Variants in SLMAP observed in about 807,000 individuals in gnomAD.
SLMAP encodes the protein sarcolemmal membrane-associated protein.
In SLMAP, 44 loss-of-function variants were observed where a neutral mutation model predicts 128.8. The ratio of observed to expected loss-of-function variants is 0.34; its 90% CI spans 0.27 to 0.44. SLMAP has a LOEUF of 0.44. Ranked by LOEUF, SLMAP falls within the 20% of genes least tolerant of loss-of-function variation. The probability of loss-of-function intolerance (pLI) is 1.00; values close to 1 mark genes in which losing one functional copy is unlikely to be tolerated. For synonymous variants in SLMAP, 327 were observed against 348.8 expected, an observed-to-expected ratio of 0.94 and a Z score of 0.70; for missense variants, 787 against 985.3, an observed-to-expected ratio of 0.80 and a Z score of 2.69.
At chr3:57,804,171 CTCATCTTTTT>C (rs1172467952) in intron 2 of SLMAP, among the ~76,000 whole-genome samples, 1 of 152,178 alleles carries the variant, frequency 6.6e-6, no homozygotes, top group East Asian at 1.9e-4. Flanking sequence ...TTCACCTTTT[CTCATCTTTTT>C]TCATCTAACA....
intron 2 of SLMAP, among the ~76,000 whole-genome samples, chr3:57,798,259 C>A (rs555686450): frequency 2.4e-4 from 36 of 148,362 alleles, no homozygotes; most frequent in African/African-American, 7.7e-4. Context: ...CTGAAGCTGT[C>A]TGTTTGTGAA....
chr3:57,855,630 A>C (rs1369875769), intron 6 of SLMAP, among the ~76,000 whole-genome samples: 1 of 144,308 alleles, frequency 6.9e-6, no homozygotes, highest in Non-Finnish European at 1.5e-5. Context: ...AAATCCCAGC[A>C]CTTTGGATGG....
intron 2 of SLMAP, among the ~76,000 whole-genome samples, chr3:57,792,982 T>G (rs2085858618): frequency 6.6e-6 from 1 of 151,876 alleles, no homozygotes; most frequent in African/African-American, 2.4e-5. Flanking sequence ...ACCAAAAAAT[T>G]GCAAAAATCA....
intron 2 of SLMAP, among the ~76,000 whole-genome samples, chr3:57,769,937 A>G (rs927562096): frequency 1.3e-5 from 2 of 152,226 alleles, no homozygotes; most frequent in Admixed American, 6.5e-5. Context: ...TGGTTAAGAT[A>G]TAGTTTAAAA....
At chr3:57,891,247 A>G (rs1246381630) in intron 15 of SLMAP, 3 of 151,456 alleles carry the variant, frequency 2.0e-5, no homozygotes, top group East Asian at 1.9e-4. Flanking sequence ...ATATCTTGCT[A>G]TCTTATCACT....
intron 22 of SLMAP, 96 bp from the exon 23 acceptor site, chr3:57,922,793 T>C (rs1271643075): frequency 3.6e-6 from 4 of 1,125,948 alleles, no homozygotes; most frequent in Non-Finnish European, 5.0e-6. Context: ...GTGTTCCAGG[T>C]GACTAAATAG....
chr3:57,820,595 G>T (rs930284380), intron 2 of SLMAP, among the ~76,000 whole-genome samples: 6 of 152,192 alleles, frequency 3.9e-5, no homozygotes, highest in Admixed American at 2.6e-4. Context: ...ATACATGCAG[G>T]CTTTCTTTGC....
chr3:57,904,868 C>G (rs946213850), intron 17 of SLMAP, among the ~76,000 whole-genome samples: 1 of 152,100 alleles, frequency 6.6e-6, no homozygotes, highest in Non-Finnish European at 1.5e-5. Flanking sequence ...AGAATTTATT[C>G]AGCCCTGGTG....
intron 14 of SLMAP, among the ~76,000 whole-genome samples, chr3:57,875,898 A>T (rs2095594821): frequency 1.3e-5 from 2 of 152,244 alleles, no homozygotes; most frequent in Admixed American, 1.3e-4. Flanking sequence ...TTCAGCAAAT[A>T]TCTTAAGTAA....
intron 8 of SLMAP, among the ~76,000 whole-genome samples, chr3:57,858,996 T>G (rs959497888): frequency 6.6e-6 from 1 of 152,142 alleles, no homozygotes; most frequent in Admixed American, 6.5e-5. Flanking sequence ...AATTCTGTTA[T>G]TCCTTCACTT....
intron 2 of SLMAP, among the ~76,000 whole-genome samples, chr3:57,770,591 G>A (rs969149012): frequency 2.6e-5 from 4 of 152,216 alleles, no homozygotes; most frequent in Admixed American, 6.5e-5. Flanking sequence ...AGATTTTGGA[G>A]TTGGACTACT....
chr3:57,834,728 T>TAGC (rs1348448495), intron 3 of SLMAP, among the ~76,000 whole-genome samples: 3 of 152,202 alleles, frequency 2.0e-5, no homozygotes, highest in Non-Finnish European at 4.4e-5. Flanking sequence ...TTAAAGAACC[T>TAGC]AGCATATCAT....
At chr3:57,774,505 A>C (rs2081428166) in intron 2 of SLMAP, among the ~76,000 whole-genome samples, 1 of 99,314 alleles carries the variant, frequency 1.0e-5, no homozygotes, top group Non-Finnish European at 2.1e-5. Flanking sequence ...AGACTTTAAT[A>C]GACAATTATT....
chr3:57,834,978 T>C (rs1282243359), intron 3 of SLMAP, among the ~76,000 whole-genome samples: 1 of 151,132 alleles, frequency 6.6e-6, no homozygotes. Flanking sequence ...AAGAATCAGC[T>C]GGGCGTGGTG....
Position 57,861,940 on chromosome 3 carries a change from G to A in SLMAP, c.829-9G>A. ...TTCTAATTAAATTGCCTGTAAACTTGAATCGCAGCGAAGTCTGAGTAATAC... is the reference window on the plus strand; with the variant it reads ...TTCTAATTAAATTGCCTGTAAACTTAAATCGCAGCGAAGTCTGAGTAATAC... On this transcript the variant is annotated splice_polypyrimidine_tract_variant and intron_variant, in intron 9 of 24. Transcript: ENST00000671191. 1 of 1,608,158 alleles carries A rather than the reference G, an allele frequency of 6.2e-7. No homozygotes were observed. Among genetic ancestry groups the A allele is most frequent in the African/African-American group, 1.3e-5 (1 of 74,784 alleles).
At chr3:57,874,134 A>C (rs755042295) in intron 14 of SLMAP, among the ~76,000 whole-genome samples, 1 of 152,112 alleles carries the variant, frequency 6.6e-6, no homozygotes, top group Non-Finnish European at 1.5e-5. Context: ...AACAGCAACA[A>C]CAAAAAAATT....
At chr3:57,814,461 C>T (rs2091560210) in intron 2 of SLMAP, among the ~76,000 whole-genome samples, 1 of 152,098 alleles carries the variant, frequency 6.6e-6, no homozygotes, top group African/African-American at 2.4e-5. Flanking sequence ...TATTCTGTGG[C>T]TTGACTGGGT....
At chr3:57,893,325 TCAG>T (rs2096143977) in intron 15 of SLMAP, among the ~76,000 whole-genome samples, 1 of 151,386 alleles carries the variant, frequency 6.6e-6, no homozygotes, top group Non-Finnish European at 1.5e-5. Flanking sequence ...TCCCAGCTAA[TCAG>T]CACGCTTAGG....
intron 8 of SLMAP, among the ~76,000 whole-genome samples, chr3:57,858,914 C>T (rs1047477238): frequency 6.6e-6 from 1 of 152,044 alleles, no homozygotes; most frequent in African/African-American, 2.4e-5. Flanking sequence ...TGCAATGTAG[C>T]CTGGGCAACA....
Sources: gnomAD v4.1 joint callset for allele counts (sites outside exome capture counted in the v4.1 genomes callset) on GRCh38, gnomAD v4.1.1 for gene constraint, MANE v1.5 for transcripts, NCBI Gene and HGNC (gene_info 2026-07-23, HGNC 2026-07-21) for gene names.